PSTPIP1: variants seen among roughly 807,000 people sequenced by gnomAD.
PSTPIP1 encodes the protein proline-serine-threonine phosphatase-interacting protein 1.
PSTPIP1 carries 66 observed loss-of-function variants against 69.6 expected under a neutral mutation model. The ratio of observed to expected loss-of-function variants is 0.95; its 90% CI spans 0.78 to 1.16. PSTPIP1 has a LOEUF of 1.16. Among genes scored for constraint, PSTPIP1 ranks in the 50% most tolerant of loss-of-function variants. The pLI is 0.00. For synonymous variants in PSTPIP1, 266 were observed against 222.7 expected (o/e 1.19, Z -1.73); for missense variants, 603 against 557.4 (o/e 1.08, Z -0.82).
At chr15:77,029,446 C>A in intron 7 of PSTPIP1, 83 bp from the exon 8 acceptor site, 3 of 1,502,506 alleles carry the variant, frequency 2.0e-6, no homozygotes, top group Non-Finnish European at 2.7e-6. Flanking sequence ...GCCGGGGAAG[C>A]TTGACAGTCA....
At chr15:77,025,090 G>A (rs2152683562) in intron 3 of PSTPIP1, among the ~76,000 whole-genome samples, 194 bp from the exon 4 acceptor site, 1 of 152,284 alleles carries the variant, frequency 6.6e-6, no homozygotes, top group East Asian at 1.9e-4. Flanking sequence ...AGAGAGCTTT[G>A]TCTTCCAGAA....
Position 77,032,846 on chromosome 15 carries a change from G to A in PSTPIP1, c.839-16G>A, listed in dbSNP as rs776337082. 1.0e-5 allele frequency: 16 copies of A among 1,556,296 alleles called. No homozygotes were observed. The East Asian group carries it at 1.9e-4, about 19-fold the overall frequency. On this transcript the variant is annotated splice_polypyrimidine_tract_variant and intron_variant, in intron 11 of 14. Transcript: ENST00000558012. ...TGTTGGGGGCCGCCCTGGGGCTCAC[G>A]GCTTGCTGTCTGCAGCTCCGGTGCC... is the stretch of plus-strand genomic sequence containing the variant.
At chr15:76,997,334 C>T (rs1213233108) in intron 1 of PSTPIP1, among the ~76,000 whole-genome samples, 1 of 152,246 alleles carries the variant, frequency 6.6e-6, no homozygotes, top group Non-Finnish European at 1.5e-5. Context: ...GGGAACCTCT[C>T]ACACTGAGTC....
intron 1 of PSTPIP1, among the ~76,000 whole-genome samples, chr15:77,016,945 C>T (rs966863910): frequency 6.6e-6 from 1 of 152,058 alleles, no homozygotes; most frequent in Non-Finnish European, 1.5e-5. Context: ...CTGGAGTGTG[C>T]GTGACCTTGG....
intron 1 of PSTPIP1, among the ~76,000 whole-genome samples, chr15:77,009,668 G>A (rs979613502): frequency 2.0e-5 from 3 of 152,154 alleles, no homozygotes; most frequent in African/African-American, 4.8e-5. Context: ...TCCTGCAGGT[G>A]TTGTCCATTC....
At chr15:76,994,972 T>C (rs1416361205), upstream of PSTPIP1, 3 of 1,202,576 alleles carry the variant, frequency 2.5e-6, no homozygotes, top group East Asian at 5.7e-5. Flanking sequence ...TCCCTTAGCA[T>C]ATGGCCTCTG....
intron 11 of PSTPIP1, 115 bp from the exon 12 acceptor site, chr15:77,032,747 T>G: frequency 1.2e-6 from 1 of 867,720 alleles, no homozygotes; most frequent in Admixed American, 2.5e-5. Flanking sequence ...AGGCACCTCC[T>G]CAGGCACCAG....
At position 77,030,516 on chromosome 15, in the gene PSTPIP1, C is replaced by G; in HGVS notation, c.577C>G (p.Gln193Glu). The part of the protein sequence containing the change: ...SATEAERVYR[Q>E]SIAQLEKVRA... ...TGCGCTTTCAGAGCGGGTATACAGGCAGAGCATTGCGCAGCTGGAGAAGGT... is the reference window on the plus strand; with the variant it reads ...TGCGCTTTCAGAGCGGGTATACAGGGAGAGCATTGCGCAGCTGGAGAAGGT... Residue 193 changes from glutamine to glutamate, a missense_variant, in exon 9 of 15, where the codon CAG becomes GAG. Physicochemically the swap from Gln to Glu is conservative, Grantham distance 29. Transcript: ENST00000558012. 1 of 1,612,612 alleles carries G rather than the reference C, an allele frequency of 6.2e-7. No homozygotes were observed. The highest frequency in any genetic ancestry group is 8.5e-7 in the Non-Finnish European group (1 of 1,179,638).
chr15:77,030,928 C>A (rs945176353), intron 9 of PSTPIP1, among the ~76,000 whole-genome samples: 3 of 152,248 alleles, frequency 2.0e-5, no homozygotes, highest in African/African-American at 7.2e-5. Context: ...TCTCACTACC[C>A]TTCTGCCTCG....
At chr15:77,034,420 T>C (rs899245683) in intron 12 of PSTPIP1, among the ~76,000 whole-genome samples, 16 of 151,750 alleles carry the variant, frequency 1.1e-4, no homozygotes, top group African/African-American at 4.9e-5. Flanking sequence ...CCTGGGGCCT[T>C]GGCCCTCGGC....
chr15:77,028,655 G>A lies in PSTPIP1; in HGVS notation c.516+3G>A, dbSNP rs764658426. The A allele has an allele frequency of 9.4e-5, 147 of 1,556,270 alleles. 1 individual carries two copies. In the South Asian group the frequency reaches 1.2e-3, roughly 12 times the overall value. The stretch of plus-strand genomic sequence containing the variant: ...GCCACCAGAAGCAGGTGGAGAAGGT[G>A]CGCTGGGCTGCTGGGCCGTGTGGGT... On this transcript the variant is annotated splice_donor_region_variant and intron_variant, in intron 7 of 14. Coordinates refer to ENST00000558012, the MANE Select transcript of PSTPIP1 (RefSeq NM_003978.5).
chr15:77,022,194 A>G (rs2076175019), intron 3 of PSTPIP1, among the ~76,000 whole-genome samples: 1 of 152,158 alleles, frequency 6.6e-6, no homozygotes, highest in African/African-American at 2.4e-5. Flanking sequence ...TGCTGAGGAT[A>G]TTGGCGGGAG....
At chr15:77,022,640 A>ATC (rs939963383) in intron 3 of PSTPIP1, among the ~76,000 whole-genome samples, 1 of 152,218 alleles carries the variant, frequency 6.6e-6, no homozygotes, top group Non-Finnish European at 1.5e-5. Flanking sequence ...AAGGCTGTTC[A>ATC]CTTTGGGGGT....
chr15:77,008,519 C>G (rs2075866434), intron 1 of PSTPIP1, among the ~76,000 whole-genome samples: 1 of 152,136 alleles, frequency 6.6e-6, no homozygotes, highest in Non-Finnish European at 1.5e-5. Flanking sequence ...AAGCAATTAT[C>G]CTGCCTCAGC....
Position 76,995,224 on chromosome 15 carries a change from A to C in PSTPIP1, c.-350A>C. Reference sequence around the variant, plus strand: ...TTCCACTGGCCACTGCCTCCCACCCAGGGCTGGCATCCCTGCTCCCTGCCC... The same window carrying C: ...TTCCACTGGCCACTGCCTCCCACCCCGGGCTGGCATCCCTGCTCCCTGCCC... On this transcript the variant is annotated 5_prime_UTR_variant, in exon 1 of 15. Coordinates refer to ENST00000558012, the MANE Select transcript of PSTPIP1 (RefSeq NM_003978.5). The C allele has an allele frequency of 8.2e-7, 1 of 1,224,472 alleles. No individual in the cohort carries two copies. 75.9% of individuals were successfully genotyped at this position (1,224,472 alleles called of 1,614,324 possible).
In PSTPIP1 at chr15:77,034,693, A is replaced by G. The variant is rs144174583; in HGVS notation, c.930-815A>G. Among the ~76,000 whole-genome samples the G allele has an allele frequency of 4.4e-3, 676 of 152,170 alleles. 3 individuals are homozygous for G. Among genetic ancestry groups the G allele is most frequent in the African/African-American group, 0.016 (653 of 41,508 alleles). ...GCCTCGCTCCCCCTTCTCTCCTAGT[A>G]AAGCTTCACTCATCTTTGAAGACTC... is the stretch of plus-strand genomic sequence containing the variant. On this transcript the variant is annotated intron_variant, in intron 12 of 14. Coordinates refer to ENST00000558012, the MANE Select transcript of PSTPIP1 (RefSeq NM_003978.5).
upstream of PSTPIP1, chr15:76,994,995 C>T: frequency 8.4e-7 from 1 of 1,184,330 alleles, no homozygotes; most frequent in South Asian, 1.5e-5. Context: ...ATAAAGTGAG[C>T]CCGCACCTCG....
chr15:77,000,803 A>G (rs1293156695), intron 1 of PSTPIP1, among the ~76,000 whole-genome samples: 2 of 152,122 alleles, frequency 1.3e-5, no homozygotes, highest in Non-Finnish European at 2.9e-5. Flanking sequence ...TGGCTTCCAG[A>G]GTGCTGGGAT....
At chr15:77,033,009 C>A in intron 12 of PSTPIP1, 57 bp downstream of exon 12, 2 of 1,506,216 alleles carry the variant, frequency 1.3e-6, no homozygotes, top group Non-Finnish European at 1.8e-6. Flanking sequence ...GTGGGTCGAG[C>A]CCCTCCTCTG....
Sources: gnomAD v4.1 joint callset for allele counts (sites outside exome capture counted in the v4.1 genomes callset) on GRCh38, gnomAD v4.1.1 for gene constraint, MANE v1.5 for transcripts, NCBI Gene and HGNC (gene_info 2026-07-23, HGNC 2026-07-21) for gene names.